COL24A1: variants seen among roughly 807,000 people sequenced by gnomAD.
COL24A1 encodes the protein collagen alpha-1(XXIV) chain.
In COL24A1, 224 loss-of-function variants were observed where a neutral mutation model predicts 253.9. The ratio of observed to expected loss-of-function variants is 0.88; its 90% confidence interval spans 0.79 to 0.99. The LOEUF (loss-of-function observed/expected upper bound fraction) is 0.99. COL24A1 is among the 50% of genes least tolerant of loss of function. The probability of loss-of-function intolerance (pLI) is 0.00; values close to 1 mark genes in which losing one functional copy is unlikely to be tolerated. For synonymous variants in COL24A1, 685 were observed against 673.7 expected, an observed-to-expected ratio of 1.02 and a Z score of -0.26; for missense variants, 2,131 against 2,068.5, an observed-to-expected ratio of 1.03 and a Z score of -0.59.
In COL24A1 at chr1:85,945,314, C is replaced by T. The variant is rs550631705; in HGVS notation, c.2562+15935G>A. On this transcript the variant is annotated intron_variant, in intron 24 of 59. Transcript: ENST00000370571. Reference sequence around the variant, plus strand: ...GATTACAGGTGTGAGCCACTGCGCCCGGCCGAGAAGAGATTCTTAAATATA... The same window carrying T: ...GATTACAGGTGTGAGCCACTGCGCCTGGCCGAGAAGAGATTCTTAAATATA... Among the ~76,000 whole-genome samples the T allele has an allele frequency of 7.9e-5, 12 of 151,594 alleles. No homozygotes were observed. In the East Asian group the frequency reaches 9.7e-4, roughly 12 times the overall value.
At chr1:85,994,312 T>C (rs1395168365) in intron 19 of COL24A1, among the ~76,000 whole-genome samples, 1 of 151,870 alleles carries the variant, frequency 6.6e-6, no homozygotes, top group Non-Finnish European at 1.5e-5. Flanking sequence ...ATATAGTTTA[T>C]ATTCAATAAA....
intron 37 of COL24A1, among the ~76,000 whole-genome samples, chr1:85,858,297 C>G (rs752572640): frequency 6.6e-6 from 1 of 152,236 alleles, no homozygotes; most frequent in African/African-American, 2.4e-5. Context: ...AACCTCTTAT[C>G]ATGGTCTATA....
At chr1:86,032,887 T>C (rs1212596996) in intron 13 of COL24A1, among the ~76,000 whole-genome samples, 2 of 152,104 alleles carry the variant, frequency 1.3e-5, no homozygotes, top group African/African-American at 2.4e-5. Flanking sequence ...CAAAAAATTA[T>C]GTAAAATGGC....
At chr1:86,050,224 C>T in intron 10 of COL24A1, 47 bp from the exon 11 acceptor site, 1 of 1,512,856 alleles carries the variant, frequency 6.6e-7, no homozygotes, top group Non-Finnish European at 9.2e-7. Flanking sequence ...TGAATATTCT[C>T]CCCATAAGTG....
intron 4 of COL24A1, among the ~76,000 whole-genome samples, 186 bp from the exon 5 acceptor site, chr1:86,112,806 G>T (rs1430837795): frequency 6.6e-6 from 1 of 152,112 alleles, no homozygotes; most frequent in Non-Finnish European, 1.5e-5. Flanking sequence ...TTTTTCTTCA[G>T]ATCTCAACTC....
rs1365346425 is a variant in COL24A1 at position 85,842,385 on chromosome 1, T to C, written c.3471A>G (p.Leu1157=). 1 of 1,598,272 alleles carries C rather than the reference T, an allele frequency of 6.3e-7. No homozygotes were observed. Among genetic ancestry groups the C allele is most frequent in the African/African-American group, 1.3e-5 (1 of 74,352 alleles). ...GTTCTCCATCAGGTCCCATCAATCC[T>C]AAATGTCCCTGAAAAACAAAGTAAA... is the stretch of plus-strand genomic sequence containing the variant. The part of the protein sequence containing the change: ...ARGTRGAVGH[L]GLMGPDGEPG... The change falls in exon 40 of 60, where the codon TTA becomes TTG. Residue 1157 remains leucine, a synonymous_variant. Coordinates refer to ENST00000370571, the MANE Select transcript of COL24A1 (RefSeq NM_152890.7).
intron 2 of COL24A1, among the ~76,000 whole-genome samples, chr1:86,142,539 A>G (rs1200810077): frequency 2.0e-5 from 3 of 149,840 alleles, no homozygotes; most frequent in Non-Finnish European, 4.5e-5. Flanking sequence ...AAAAACAAAA[A>G]ACAAAAAACA....
intron 34 of COL24A1, 61 bp downstream of exon 34, chr1:85,875,216 C>T: frequency 7.1e-7 from 1 of 1,415,246 alleles, no homozygotes. Context: ...TCAATGGTAG[C>T]AAATGTAGGG....
At chr1:85,881,408 G>A (rs1237765911) in intron 32 of COL24A1, among the ~76,000 whole-genome samples, 2 of 152,028 alleles carry the variant, frequency 1.3e-5, no homozygotes, top group Admixed American at 6.5e-5. Flanking sequence ...CACGAGGTCA[G>A]GAGTTTGAGA....
At chr1:85,963,464 G>C (rs776899222) in intron 23 of COL24A1, among the ~76,000 whole-genome samples, 5 of 152,146 alleles carry the variant, frequency 3.3e-5, no homozygotes, top group African/African-American at 7.2e-5. Flanking sequence ...AAAGTTGTTT[G>C]CAGATTACTT....
chr1:85,756,389 A>G (rs1341190367), intron 55 of COL24A1, among the ~76,000 whole-genome samples: 1 of 152,156 alleles, frequency 6.6e-6, no homozygotes, highest in Non-Finnish European at 1.5e-5. Context: ...ACTGCACTCC[A>G]GCTTGGGCAA....
chr1:85,858,283 A>G (rs1417107923), intron 37 of COL24A1, among the ~76,000 whole-genome samples: 1 of 152,176 alleles, frequency 6.6e-6, no homozygotes, highest in Non-Finnish European at 1.5e-5. Context: ...GAGAATAATC[A>G]CCAAACCTCT....
chr1:85,908,698 A>T (rs773324372), intron 26 of COL24A1, 47 bp from the exon 27 acceptor site: 1 of 845,692 alleles, frequency 1.2e-6, no homozygotes, highest in Non-Finnish European at 1.7e-6. Context: ...TCATGACTTT[A>T]AATTATTTTC....
intron 53 of COL24A1, among the ~76,000 whole-genome samples, chr1:85,762,607 T>C (rs1666951897): frequency 6.6e-6 from 1 of 152,210 alleles, no homozygotes; most frequent in South Asian, 2.1e-4. Flanking sequence ...TATCAACCAA[T>C]GCATATATCT....
rs1412629052 is a variant in COL24A1, at chr1:85,729,249, T to A, written c.*1297A>T. The A allele has an allele frequency of 1.3e-5, 2 of 152,178 alleles. No individual in the cohort carries two copies. The highest frequency in any genetic ancestry group is 4.8e-5 in the African/African-American group (2 of 41,442). The allele number at this position is 152,178 out of a possible 1,614,324, so 9.4% of individuals were successfully genotyped here. On this transcript the variant is annotated 3_prime_UTR_variant, in exon 60 of 60. Transcript: ENST00000370571. ...CACCCAAAATTATTTAAAGCACATT[T>A]TTATTATAGATAGGTTAAGTGTGGT...
intron 43 of COL24A1, among the ~76,000 whole-genome samples, chr1:85,832,768 A>G (rs1675474536): frequency 1.3e-5 from 2 of 150,674 alleles, no homozygotes; most frequent in African/African-American, 2.5e-5. Flanking sequence ...ATTTTTGCAC[A>G]TTGATTTTGT....
In COL24A1 at chr1:85,797,194, C is replaced by G. The variant is rs186982209; in HGVS notation, c.3952-10733G>C. On this transcript the variant is annotated intron_variant, in intron 47 of 59. Coordinates refer to ENST00000370571, the MANE Select transcript of COL24A1 (RefSeq NM_152890.7). ...CTGCACTCCGGCCTGGGCGACAGAGCGAGACTCCGTCTCAAAAAAAAAAAA... is the reference window on the plus strand; with the variant it reads ...CTGCACTCCGGCCTGGGCGACAGAGGGAGACTCCGTCTCAAAAAAAAAAAA... Among the ~76,000 whole-genome samples, 7 of 122,530 alleles carry G rather than the reference C, an allele frequency of 5.7e-5. No individual in the cohort carries two copies. In the Admixed American group the frequency reaches 7.8e-4, roughly 14 times the overall value. The allele number at this position is 122,530 out of a possible 152,430, so 80.4% of individuals were successfully genotyped here. A position where few individuals can be genotyped will look rare whatever the true frequency, so the allele number is the denominator to read the frequency against.
intron 47 of COL24A1, among the ~76,000 whole-genome samples, chr1:85,799,959 T>C (rs779214155): frequency 5.9e-5 from 9 of 152,220 alleles, no homozygotes; most frequent in Non-Finnish European, 1.3e-4. Context: ...TTAACATTAC[T>C]GTAATCCATT....
intron 58 of COL24A1, chr1:85,736,056 C>T: frequency 3.9e-6 from 1 of 256,928 alleles, no homozygotes; most frequent in Non-Finnish European, 7.8e-6. Context: ...TTTAAGCTTT[C>T]TGAGCCTTAA....
Sources: allele counts gnomAD v4.1 joint callset (sites outside exome capture counted in the v4.1 genomes callset), GRCh38; gene constraint gnomAD v4.1.1; transcripts MANE v1.5; gene names NCBI Gene and HGNC (gene_info 2026-07-23, HGNC 2026-07-21).